VCPIP1: variants seen among roughly 807,000 people sequenced by gnomAD.
The protein encoded by VCPIP1 is valosin containing protein interacting protein 1.
VCPIP1 carries 8 observed loss-of-function variants against 85.0 expected under a neutral mutation model. The ratio of observed to expected loss-of-function variants is 0.09; its 90% CI spans 0.06 to 0.17. The LOEUF is 0.17. Ranked by LOEUF, VCPIP1 falls within the 10% of genes least tolerant of loss-of-function variation. VCPIP1 has a pLI of 1.00. For missense variants in VCPIP1, 1,070 were observed against 1,486.3 expected (o/e 0.72, Z 4.61); for synonymous variants, 543 against 544.5 (o/e 1.00, Z 0.04).
At chr8:66,650,693 A>G (rs181368289) in intron 2 of VCPIP1, among the ~76,000 whole-genome samples, 7 of 152,176 alleles carry the variant, frequency 4.6e-5, no homozygotes, top group Admixed American at 1.3e-4. Flanking sequence ...CTGGAATACT[A>G]GCATTATAAA....
At chr8:66,655,882 TGTATATATAAATGTAGA>T (rs1811095287) in intron 1 of VCPIP1, among the ~76,000 whole-genome samples, 2 of 152,108 alleles carry the variant, frequency 1.3e-5, no homozygotes, top group African/African-American at 4.8e-5. Context: ...CAATGTACTG[TGTATATATAAATGTAGA>T]AAAAAAATCT....
At chr8:66,645,906 G>A (rs1365647877) in intron 2 of VCPIP1, among the ~76,000 whole-genome samples, 3 of 151,926 alleles carry the variant, frequency 2.0e-5, no homozygotes, top group Non-Finnish European at 4.4e-5. Flanking sequence ...CTCCAACCCG[G>A]GTAACAAAGT....
At chr8:66,655,566 A>G (rs1313514846) in intron 1 of VCPIP1, among the ~76,000 whole-genome samples, 1 of 152,238 alleles carries the variant, frequency 6.6e-6, no homozygotes, top group East Asian at 1.9e-4. Flanking sequence ...AATAAACTTA[A>G]TCGAAGCAGC....
chr8:66,633,584 C>A lies in VCPIP1; in HGVS notation c.*917G>T, dbSNP rs1810854623. 1 of 151,274 alleles carries A rather than the reference C, an allele frequency of 6.6e-6. No homozygotes were observed. 9.4% of individuals were successfully genotyped at this position (151,274 alleles called of 1,614,324 possible). ...TCTGAAAAAAAAAAAAAAATTTTGG[C>A]TCAAAGGGGCATAAATACACTTAGC... is the stretch of plus-strand genomic sequence containing the variant. On this transcript the variant is annotated 3_prime_UTR_variant, in exon 3 of 3. Coordinates refer to ENST00000310421, the MANE Select transcript of VCPIP1 (RefSeq NM_025054.5).
rs372365649 is a variant in VCPIP1, at chr8:66,631,432, CAT to C, written c.*3067_*3068del. On this transcript the variant is annotated 3_prime_UTR_variant, in exon 3 of 3. Coordinates refer to ENST00000310421, the MANE Select transcript of VCPIP1 (RefSeq NM_025054.5). ...TATACATTTTGCATTTAGTAGCTAA[CAT>C]GTGATGTCAGTACAATTCTCAAAAA... 123 of 154,614 alleles carry C rather than the reference CAT, an allele frequency of 8.0e-4. 1 individual carries two copies. The highest frequency in any genetic ancestry group is 2.9e-3 in the African/African-American group (120 of 41,610). The allele number at this position is 154,614 out of a possible 1,614,324, so 9.6% of individuals were successfully genotyped here. A position where few individuals can be genotyped will look rare whatever the true frequency, so the allele number is the denominator to read the frequency against.
In VCPIP1 at chr8:66,664,582, A is replaced by C; in HGVS notation, c.2377T>G (p.Ser793Ala). ...DGRQSMVTLK[S>A]STTFFELQES... ...TGAAGTTCAAAAAAGGTTGTTGAAG[A>C]CTTAAGGGTAACCATGGACTGTCGT... Residue 793 changes from serine to alanine, a missense_variant, in exon 1 of 3, where the codon TCT becomes GCT. By Grantham distance (99) the Ser-to-Ala change is moderately conservative. Transcript: ENST00000310421. 4 of 1,614,206 alleles carry C rather than the reference A, an allele frequency of 2.5e-6. No individual in the cohort carries two copies. The Admixed American group carries it at 5.0e-5, about 20-fold the overall frequency.
chr8:66,638,964 C>CTATATATATATATATATA (rs765356671), intron 2 of VCPIP1, among the ~76,000 whole-genome samples: 3 of 132,634 alleles, frequency 2.3e-5, no homozygotes, highest in Admixed American at 7.3e-5. Context: ...CTCTCTCTCT[C>CTATATATATATATATATA]TCTCTCTATA....
chr8:66,649,064 G>T (rs956429523), intron 2 of VCPIP1, among the ~76,000 whole-genome samples: 2 of 152,108 alleles, frequency 1.3e-5, no homozygotes, highest in African/African-American at 4.8e-5. Flanking sequence ...TCAGTAGGGT[G>T]AAGGATGAGG....
At chr8:66,649,927 G>A (rs1811036146) in intron 2 of VCPIP1, among the ~76,000 whole-genome samples, 1 of 151,960 alleles carries the variant, frequency 6.6e-6, no homozygotes. Flanking sequence ...TTTGGTCTCT[G>A]ATTAAAGAAA....
chr8:66,660,990 C>T (rs1254031601), intron 1 of VCPIP1, among the ~76,000 whole-genome samples: 1 of 151,986 alleles, frequency 6.6e-6, no homozygotes, highest in African/African-American at 2.4e-5. Context: ...TTGCAGTGAG[C>T]CGAGATCGCA....
In VCPIP1 at chr8:66,645,646, G is replaced by C. The variant is rs1333401303; in HGVS notation, c.2797+5812C>G. Among the ~76,000 whole-genome samples the C allele has an allele frequency of 1.3e-5, 2 of 151,184 alleles. 1 individual carries two copies. The highest frequency in any genetic ancestry group is 3.9e-4 in the East Asian group (2 of 5,136). On this transcript the variant is annotated intron_variant, in intron 2 of 2. Coordinates refer to ENST00000310421, the MANE Select transcript of VCPIP1 (RefSeq NM_025054.5). Reference sequence around the variant, plus strand: ...GAAGAAATATAACATTTTTGGTCAGGCACAGTGGCTCACGCCTGTATCTCA... The same window carrying C: ...GAAGAAATATAACATTTTTGGTCAGCCACAGTGGCTCACGCCTGTATCTCA...
At chr8:66,646,132 G>T (rs1810993595) in intron 2 of VCPIP1, among the ~76,000 whole-genome samples, 1 of 150,946 alleles carries the variant, frequency 6.6e-6, no homozygotes, top group Non-Finnish European at 1.5e-5. Context: ...AGTGCCAGCA[G>T]TGTGATCTCG....
intron 1 of VCPIP1, among the ~76,000 whole-genome samples, chr8:66,652,923 C>T (rs895662901): frequency 6.6e-6 from 1 of 152,112 alleles, no homozygotes; most frequent in African/African-American, 2.4e-5. Flanking sequence ...TTTGTCTTCC[C>T]TACATGAAGA....
At chr8:66,638,293 C>T (rs1810908723) in intron 2 of VCPIP1, among the ~76,000 whole-genome samples, 1 of 151,322 alleles carries the variant, frequency 6.6e-6, no homozygotes, top group Non-Finnish European at 1.5e-5. Context: ...GAGTTCCAGC[C>T]TGGGCAACCT....
At position 66,635,324 on chromosome 8, in the gene VCPIP1, G is replaced by T. The variant is rs369255992; in HGVS notation, c.2846C>A (p.Thr949Asn). ...HCTFPHLPGK[T>N]FVYNASEDRL... ...ATCTTCAGAAGCATTATAGACAAAG[G>T]TTTTGCCAGGCAGATGTGGAAAAGT... Residue 949 changes from threonine (T) to asparagine (N), a missense_variant, in exon 3 of 3, where the codon ACC becomes AAC. Thr to Asn is a moderately conservative substitution (Grantham distance 65, BLOSUM62 0). Transcript: ENST00000310421. 1.5e-5 allele frequency: 25 copies of T among 1,613,818 alleles called. No homozygotes were observed. Among genetic ancestry groups the T allele is most frequent in the Non-Finnish European group, 2.1e-5 (25 of 1,180,018 alleles).
intron 2 of VCPIP1, among the ~76,000 whole-genome samples, chr8:66,638,691 A>G (rs986165610): frequency 1.3e-5 from 2 of 151,880 alleles, no homozygotes; most frequent in African/African-American, 4.8e-5. Context: ...AGGCAGGAGA[A>G]TGGTGTGAAC....
Position 66,664,244 on chromosome 8 carries a change from C to A in VCPIP1, c.2710+5G>T. 1 of 1,546,128 alleles carries A rather than the reference C, an allele frequency of 6.5e-7. No individual in the cohort carries two copies. The highest frequency in any genetic ancestry group is 8.7e-7 in the Non-Finnish European group (1 of 1,144,578). On this transcript the variant is annotated splice_donor_5th_base_variant and intron_variant, in intron 1 of 2. Transcript: ENST00000310421. Reference sequence around the variant, plus strand: ...GATATACCATCAGAATTAAATTCATCTTACCCATTAATGTTGCTAAAAGAC... The same window carrying A: ...GATATACCATCAGAATTAAATTCATATTACCCATTAATGTTGCTAAAAGAC...
At chr8:66,637,240 T>C (rs773343885) in intron 2 of VCPIP1, among the ~76,000 whole-genome samples, 30 of 150,954 alleles carry the variant, frequency 2.0e-4, no homozygotes, top group Non-Finnish European at 4.3e-4. Flanking sequence ...AGTCTCAGCT[T>C]TTTGGGAGGC....
At chr8:66,635,600 T>C (rs940829002) in intron 2 of VCPIP1, among the ~76,000 whole-genome samples, 1 of 152,190 alleles carries the variant, frequency 6.6e-6, no homozygotes, top group African/African-American at 2.4e-5. Flanking sequence ...TTTGCTATCT[T>C]AACTAACAGC....
Sources: gnomAD v4.1 joint callset for allele counts (sites outside exome capture counted in the v4.1 genomes callset) on GRCh38, gnomAD v4.1.1 for gene constraint, MANE v1.5 for transcripts, NCBI Gene and HGNC (gene_info 2026-07-23, HGNC 2026-07-21) for gene names.